AMER3: variants seen among roughly 807,000 people sequenced by gnomAD.
The protein encoded by AMER3 is APC membrane recruitment protein 3.
For missense variants in AMER3, 1,201 were observed against 1,139.4 expected (o/e 1.05, Z -0.78); for synonymous variants, 541 against 485.5 (o/e 1.11, Z -1.50).
chr2:130,757,640 C>T (rs573880597), intron 1 of AMER3, among the ~76,000 whole-genome samples: 1 of 152,340 alleles, frequency 6.6e-6, no homozygotes, highest in South Asian at 2.1e-4. Flanking sequence ...AGGGTGTTCT[C>T]TCTGCCTGGA....
At chr2:130,757,719 C>T (rs746414182) in intron 1 of AMER3, among the ~76,000 whole-genome samples, 2 of 152,216 alleles carry the variant, frequency 1.3e-5, no homozygotes, top group Non-Finnish European at 2.9e-5. Context: ...ATATCACATC[C>T]CTGTAACAGA....
In AMER3 at chr2:130,762,641, C is replaced by G. The variant is rs770231839; in HGVS notation, c.569C>G (p.Pro190Arg). Residue 190 changes from proline (P) to arginine (R), a missense_variant, in exon 2 of 2, where the codon CCG becomes CGG. Transcript: ENST00000321420. ...AAAAGCCTGCCCTCCCCAGGGGACC[C>G]GTCAGACCCTGGGGGGCGGCGAAGC... is the stretch of plus-strand genomic sequence containing the variant. The part of the protein sequence containing the change: ...EGKSLPSPGD[P>R]SDPGGRRSKA... 2 of 1,611,046 alleles carry G rather than the reference C, an allele frequency of 1.2e-6. No homozygotes were observed. The highest frequency in any genetic ancestry group is 1.7e-6 in the Non-Finnish European group (2 of 1,179,676).
In AMER3 at chr2:130,763,819, A is replaced by G; in HGVS notation, c.1747A>G (p.Lys583Glu). 1.2e-6 allele frequency: 2 copies of G among 1,612,944 alleles called. No individual in the cohort carries two copies. Among genetic ancestry groups the G allele is most frequent in the African/African-American group, 2.7e-5 (2 of 75,052 alleles). ...CACAGGCCTGCTCGCCGGAGAGAGC[A>G]AGGCCCTCGGAGGGGCCACACAAGG... is the stretch of plus-strand genomic sequence containing the variant. ...GTTGLLAGES[K>E]ALGGATQGTG... Residue 583 changes from lysine (K) to glutamate (E), a missense_variant, in exon 2 of 2, where the codon AAG (lysine) becomes GAG (glutamate). Lys to Glu is a moderately conservative substitution (Grantham distance 56). Coordinates refer to ENST00000321420, the MANE Select transcript of AMER3 (RefSeq NM_152698.3).
Position 130,767,048 on chromosome 2 carries a change from A to G in AMER3, c.*2390A>G, listed in dbSNP as rs1679002606. The stretch of plus-strand genomic sequence containing the variant: ...CGCTGTCAGATCGCCATTCCCCTTC[A>G]GGAAAACTTCGAATGGGGCTGTGGA... On this transcript the variant is annotated 3_prime_UTR_variant, in exon 2 of 2. Transcript: ENST00000321420. 1 of 167,092 alleles carries G rather than the reference A, an allele frequency of 6.0e-6. No individual in the cohort carries two copies. The highest frequency in any genetic ancestry group is 2.4e-5 in the African/African-American group (1 of 41,444). The allele number at this position is 167,092 out of a possible 1,614,324, so 10.4% of individuals were successfully genotyped here. A position where few individuals can be genotyped will look rare whatever the true frequency, so the allele number is the denominator to read the frequency against.
intron 1 of AMER3, among the ~76,000 whole-genome samples, chr2:130,760,584 G>T (rs78723509): frequency 0.03 from 4,538 of 152,222 alleles, 214 homozygotes; most frequent in African/African-American, 0.1. Flanking sequence ...AGAGGCGAAG[G>T]AGCCAGCCGC....
At position 130,764,353 on chromosome 2, in the gene AMER3, G is replaced by A. The variant is rs762936709; in HGVS notation, c.2281G>A (p.Gly761Arg). 6.2e-6 allele frequency: 10 copies of A among 1,611,064 alleles called. No individual in the cohort carries two copies. Among genetic ancestry groups the A allele is most frequent in the African/African-American group, 1.3e-5 (1 of 74,886 alleles). Residue 761 changes from glycine to arginine, a missense_variant, in exon 2 of 2, where the codon GGG becomes AGG. Coordinates refer to ENST00000321420, the MANE Select transcript of AMER3 (RefSeq NM_152698.3). ...DLSWLRVEPTGLGVQAWASVE... is the reference protein window; with the variant it reads ...DLSWLRVEPTRLGVQAWASVE... ...GAGCTGGCTCAGGGTGGAGCCCACC[G>A]GGCTAGGTGTCCAGGCCTGGGCCTC...
Position 130,766,110 on chromosome 2 carries a change from AT to A in AMER3, c.*1455del, listed in dbSNP as rs1678976070. On this transcript the variant is annotated 3_prime_UTR_variant, in exon 2 of 2. Transcript: ENST00000321420. The stretch of plus-strand genomic sequence containing the variant: ...ATTTTTAAGACTTTAGATGTTAGGG[AT>A]TTGAAACTTTAGAGATTTGCGTCTT... The A allele has an allele frequency of 6.0e-6, 1 of 166,988 alleles. No homozygotes were observed. 10.3% of individuals were successfully genotyped at this position (166,988 alleles called of 1,614,324 possible).
rs374555063 is a variant in AMER3 at position 130,764,376 on chromosome 2, C to T, written c.2304C>T (p.Ala768=). ...CCGGGCTAGGTGTCCAGGCCTGGGC[C>T]TCTGTGGAGGACCAGCCCTTGCAGC... ...EPTGLGVQAW[A]SVEDQPLQLS... The change falls in exon 2 of 2, where the codon GCC becomes GCT. Residue 768 remains alanine (A), a synonymous_variant. Transcript: ENST00000321420. The T allele has an allele frequency of 4.3e-6, 7 of 1,612,698 alleles. No individual in the cohort carries two copies. The African/African-American group carries it at 9.3e-5, about 22-fold the overall frequency.
rs777912797 is a variant in AMER3 at position 130,764,059 on chromosome 2, G to T, written c.1987G>T (p.Gly663Ter). ...CFRGPWRPGH[G>*]GDTLDAEPML... The stretch of plus-strand genomic sequence containing the variant: ...CCGAGGCCCCTGGAGGCCAGGTCAC[G>T]GAGGTGACACTCTGGATGCAGAGCC... The change falls in exon 2 of 2, where the codon GGA becomes TGA. Residue 663 changes from glycine (G) to a stop codon, truncating the protein, a stop_gained. Coordinates refer to ENST00000321420, the MANE Select transcript of AMER3 (RefSeq NM_152698.3). LOFTEE classifies it low-confidence loss of function (END_TRUNC). 1 of 1,612,302 alleles carries T rather than the reference G, an allele frequency of 6.2e-7. No homozygotes were observed. The highest frequency in any genetic ancestry group is 2.2e-5 in the East Asian group (1 of 44,842).
rs1329460454 is a variant in AMER3, at chr2:130,765,203, CAACAG to C, written c.*550_*554del. 6.0e-6 allele frequency: 1 copy of C among 167,816 alleles called. No homozygotes were observed. The allele number at this position is 167,816 out of a possible 1,614,324, so 10.4% of individuals were successfully genotyped here. On this transcript the variant is annotated 3_prime_UTR_variant, in exon 2 of 2. Coordinates refer to ENST00000321420, the MANE Select transcript of AMER3 (RefSeq NM_152698.3). The stretch of plus-strand genomic sequence containing the variant: ...GATTTATTTGAGAAACATAAAAACA[CAACAG>C]AACACATCAGCCACTTCACACAATA...
chr2:130,762,396 A>G lies in AMER3; in HGVS notation c.324A>G (p.Thr108=), dbSNP rs371156082. Residue 108 remains threonine (T), a synonymous_variant, in exon 2 of 2, where the codon ACA becomes ACG. Transcript: ENST00000321420. ...MSGAGRATAA[T]GQLVGSASFP... ...GGGCAGGCAGGGCCACGGCTGCCACAGGGCAGCTGGTGGGCAGTGCAAGCT... is the reference window on the plus strand; with the variant it reads ...GGGCAGGCAGGGCCACGGCTGCCACGGGGCAGCTGGTGGGCAGTGCAAGCT... 2.1e-4 allele frequency: 346 copies of G among 1,611,940 alleles called. 1 individual carries two copies. Among genetic ancestry groups the G allele is most frequent in the Non-Finnish European group, 2.2e-4 (259 of 1,179,760 alleles).
chr2:130,762,874 G>A lies in AMER3; in HGVS notation c.802G>A (p.Gly268Ser). 1 of 1,613,300 alleles carries A rather than the reference G, an allele frequency of 6.2e-7. No homozygotes were observed. The highest frequency in any genetic ancestry group is 8.5e-7 in the Non-Finnish European group (1 of 1,179,970). Residue 268 changes from glycine to serine, a missense_variant, in exon 2 of 2, where the codon GGC becomes AGC. Physicochemically the swap from Gly to Ser is moderately conservative, Grantham distance 56 (BLOSUM62 0). Transcript: ENST00000321420. ...SSVPSLELNE[G>S]PESPTQAAQG... ...GGTGCCATCTCTGGAGCTGAACGAG[G>A]GCCCGGAGAGCCCAACCCAGGCTGC...
intron 1 of AMER3, among the ~76,000 whole-genome samples, chr2:130,761,180 C>T (rs767133498): frequency 1.3e-5 from 2 of 152,192 alleles, no homozygotes; most frequent in Non-Finnish European, 2.9e-5. Flanking sequence ...GCTGTAGCTC[C>T]CCACTGATCT....
In AMER3 at chr2:130,762,704, A is replaced by C. The variant is rs775185157; in HGVS notation, c.632A>C (p.Asp211Ala). The change falls in exon 2 of 2, where the codon GAC becomes GCC. Residue 211 changes from aspartate to alanine, a missense_variant. By Grantham distance (126) the Asp-to-Ala change is moderately radical. Transcript: ENST00000321420. ...CCCCCGGGTGAGGGGCCGGGGCTGG[A>C]CGGCCTGTGCCAGGACCTGTTGGAC... ...FLPPGEGPGL[D>A]GLCQDLLDSE... is the part of the protein sequence containing the mutation. 6.2e-7 allele frequency: 1 copy of C among 1,611,610 alleles called. No individual in the cohort carries two copies. The highest frequency in any genetic ancestry group is 1.1e-5 in the South Asian group (1 of 91,034).
rs1361585733 is a variant in AMER3 at position 130,763,588 on chromosome 2, A to G, written c.1516A>G (p.Met506Val). 16 of 1,609,152 alleles carry G rather than the reference A, an allele frequency of 9.9e-6. No individual in the cohort carries two copies. The Admixed American group carries it at 2.5e-4, about 25-fold the overall frequency. Reference sequence around the variant, plus strand: ...GTGTGACACTGAGCTCGCCATCACCATGGGCATCGTCAGCTGGCTGCGCCG... The same window carrying G: ...GTGTGACACTGAGCTCGCCATCACCGTGGGCATCGTCAGCTGGCTGCGCCG... ...KLCDTELAIT[M>V]GIVSWLRRGP... The change falls in exon 2 of 2, where the codon ATG becomes GTG. Residue 506 changes from methionine to valine, a missense_variant. Met to Val is a conservative substitution (Grantham distance 21). Coordinates refer to ENST00000321420, the MANE Select transcript of AMER3 (RefSeq NM_152698.3).
In AMER3 at chr2:130,767,520, C is replaced by A. The variant is rs1197246214; in HGVS notation, c.*2862C>A. The A allele has an allele frequency of 6.0e-6, 1 of 166,986 alleles. No individual in the cohort carries two copies. The highest frequency in any genetic ancestry group is 2.4e-5 in the African/African-American group (1 of 41,444). The allele number at this position is 166,986 out of a possible 1,614,324, so 10.3% of individuals were successfully genotyped here. ...CTCCTGACTGCCTGACGCTTGGTCT[C>A]CGGTGGCCCTCTCTCACCAGGGCTC... On this transcript the variant is annotated 3_prime_UTR_variant, in exon 2 of 2. Transcript: ENST00000321420.
At chr2:130,757,728 GAATT>G (rs1158071338) in intron 1 of AMER3, among the ~76,000 whole-genome samples, 3 of 152,224 alleles carry the variant, frequency 2.0e-5, no homozygotes, top group Non-Finnish European at 2.9e-5. Context: ...CCCTGTAACA[GAATT>G]AATTAAGTAA....
At position 130,765,201 on chromosome 2, in the gene AMER3, C is replaced by T. The variant is rs918209384; in HGVS notation, c.*543C>T. On this transcript the variant is annotated 3_prime_UTR_variant, in exon 2 of 2. Coordinates refer to ENST00000321420, the MANE Select transcript of AMER3 (RefSeq NM_152698.3). ...AGGATTTATTTGAGAAACATAAAAACACAACAGAACACATCAGCCACTTCA... is the reference window on the plus strand; with the variant it reads ...AGGATTTATTTGAGAAACATAAAAATACAACAGAACACATCAGCCACTTCA... 2.4e-5 allele frequency: 4 copies of T among 167,696 alleles called. No individual in the cohort carries two copies. Among genetic ancestry groups the T allele is most frequent in the African/African-American group, 9.7e-5 (4 of 41,370 alleles). 10.4% of individuals were successfully genotyped at this position (167,696 alleles called of 1,614,324 possible). A position where few individuals can be genotyped will look rare whatever the true frequency, so the allele number is the denominator to read the frequency against.
intron 1 of AMER3, among the ~76,000 whole-genome samples, chr2:130,760,095 GA>G (rs1463627975): frequency 2.6e-5 from 4 of 152,248 alleles, no homozygotes; most frequent in African/African-American, 4.8e-5. Context: ...GCATGAGGCA[GA>G]AAAGCCAGTG....
Sources: allele counts gnomAD v4.1 joint callset (sites outside exome capture counted in the v4.1 genomes callset), GRCh38; gene constraint gnomAD v4.1.1; transcripts MANE v1.5; gene names NCBI Gene and HGNC (gene_info 2026-07-23, HGNC 2026-07-21).